The following MET variants were observed in gnomAD, a reference collection of about 807,000 sequenced individuals.
MET encodes the protein MET proto-oncogene, receptor tyrosine kinase.
A neutral mutation model predicts 133.1 loss-of-function variants in MET; 48 were observed. The observed-to-expected ratio is 0.36, with a 90% CI of 0.29 to 0.46. MET has a LOEUF of 0.46. Among genes scored for constraint, MET ranks in the 20% least tolerant of loss-of-function variants. The pLI is 1.00. For missense variants in MET, 1,442 were observed against 1,695.9 expected, an observed-to-expected ratio of 0.85 and a Z score of 2.63; for synonymous variants, 628 against 616.5, an observed-to-expected ratio of 1.02 and a Z score of -0.28.
At chr7:116,696,399 AC>A (rs998874309) in intron 1 of MET, among the ~76,000 whole-genome samples, 5 of 152,268 alleles carry the variant, frequency 3.3e-5, no homozygotes, top group African/African-American at 1.2e-4. Context: ...TCACCCTGTT[AC>A]TACTTTTTGC....
intron 2 of MET, among the ~76,000 whole-genome samples, chr7:116,708,155 A>T (rs1292605611): frequency 6.6e-6 from 1 of 152,172 alleles, no homozygotes; most frequent in African/African-American, 2.4e-5. Flanking sequence ...GAACAAATAC[A>T]TCATGATAAT....
chr7:116,756,241 A>G (rs549371468), intron 6 of MET, among the ~76,000 whole-genome samples: 14 of 152,344 alleles, frequency 9.2e-5, no homozygotes, highest in African/African-American at 3.4e-4. Flanking sequence ...GTACCCTTCT[A>G]CAAGCTTTGA....
intron 3 of MET, among the ~76,000 whole-genome samples, chr7:116,734,622 G>C (rs539453317): frequency 6.6e-6 from 1 of 152,326 alleles, no homozygotes; most frequent in East Asian, 1.9e-4. Flanking sequence ...AATATCTGCA[G>C]AGCCATGTCA....
rs1795999968 is a variant in MET, at chr7:116,672,283, C to T, written c.-309C>T. On this transcript the variant is annotated 5_prime_UTR_variant, in exon 1 of 21. Transcript: ENST00000397752. ...CCAACGCGCCCGGGCCGCCGCGGGCCGCGCGCGCCGATGCCCGGCTGAGTC... is the reference window on the plus strand; with the variant it reads ...CCAACGCGCCCGGGCCGCCGCGGGCTGCGCGCGCCGATGCCCGGCTGAGTC... 5.6e-6 allele frequency: 1 copy of T among 179,686 alleles called. No individual in the cohort carries two copies. Among genetic ancestry groups the T allele is most frequent in the Non-Finnish European group, 1.1e-5 (1 of 87,392 alleles). 11.1% of individuals were successfully genotyped at this position (179,686 alleles called of 1,614,324 possible).
intron 2 of MET, among the ~76,000 whole-genome samples, chr7:116,702,186 C>T (rs570386997): frequency 6.6e-6 from 1 of 152,070 alleles, no homozygotes; most frequent in Non-Finnish European, 1.5e-5. Context: ...ACTAGCCACA[C>T]CTGAAACCAT....
At chr7:116,739,040 C>T (rs38859) in intron 3 of MET, among the ~76,000 whole-genome samples, 52,815 of 152,074 alleles carry the variant, frequency 0.35, 11,069 homozygotes, top group East Asian at 0.48. Flanking sequence ...TGTGCTGAGC[C>T]TCCTCCACCT....
intron 3 of MET, among the ~76,000 whole-genome samples, chr7:116,736,529 T>C (rs1025133646): frequency 1.1e-4 from 17 of 152,330 alleles, no homozygotes; most frequent in African/African-American, 3.8e-4. Flanking sequence ...TAAGGAGATA[T>C]GGCCTTTACA....
intron 3 of MET, among the ~76,000 whole-genome samples, chr7:116,733,473 A>G (rs1203763140): frequency 3.9e-5 from 6 of 152,024 alleles, no homozygotes; most frequent in East Asian, 3.9e-4. Context: ...TCCACATTCT[A>G]AAGTTGTAAT....
intron 2 of MET, among the ~76,000 whole-genome samples, chr7:116,712,015 G>A (rs1397043697): frequency 6.6e-6 from 1 of 152,172 alleles, no homozygotes; most frequent in Non-Finnish European, 1.5e-5. Context: ...ATGAGGAAGA[G>A]ATGTACACAC....
At chr7:116,730,708 G>A (rs534699983) in intron 2 of MET, among the ~76,000 whole-genome samples, 7 of 152,294 alleles carry the variant, frequency 4.6e-5, no homozygotes, top group African/African-American at 1.4e-4. Context: ...ATGACACTTA[G>A]ATTTCTGACT....
At chr7:116,754,983 G>GGAAAGAAGGAAAGAAAGAAA (rs1794103961) in intron 5 of MET, among the ~76,000 whole-genome samples, 1 of 78,632 alleles carries the variant, frequency 1.3e-5, no homozygotes, top group East Asian at 4.3e-4. Context: ...AGCAGAGAAA[G>GGAAAGAAGGAAAGAAAGAAA]GAAAGAAAGA....
Position 116,699,795 on chromosome 7 carries a change from T to C in MET, c.711T>C (p.Val237=), listed in dbSNP as rs932492107. Residue 237 remains valine, a synonymous_variant, in exon 2 of 21, where the codon GTT becomes GTC. Transcript: ENST00000397752. ...MFLTDQSYID[V]LPEFRDSYPI... ...TGACGGACCAGTCCTACATTGATGT[T>C]TTACCTGAGTTCAGAGATTCTTACC... is the stretch of plus-strand genomic sequence containing the variant. 2 of 1,614,106 alleles carry C rather than the reference T, an allele frequency of 1.2e-6. No homozygotes were observed. The highest frequency in any genetic ancestry group is 1.3e-5 in the African/African-American group (1 of 75,030).
chr7:116,673,956 A>G (rs1584842800), intron 1 of MET, among the ~76,000 whole-genome samples: 1 of 152,356 alleles, frequency 6.6e-6, no homozygotes, highest in East Asian at 1.9e-4. Flanking sequence ...GGGAAAATTT[A>G]CATCATTCAT....
chr7:116,715,106 A>T (rs967276114), intron 2 of MET, among the ~76,000 whole-genome samples: 2 of 152,188 alleles, frequency 1.3e-5, no homozygotes, highest in Non-Finnish European at 2.9e-5. Context: ...GCAGGGATTT[A>T]TGTCTTTTTT....
chr7:116,787,038 T>G (rs1357313956), intron 19 of MET, among the ~76,000 whole-genome samples: 1 of 152,002 alleles, frequency 6.6e-6, no homozygotes, highest in African/African-American at 2.4e-5. Flanking sequence ...TGACTGGGAG[T>G]TTGTTTTCAA....
intron 2 of MET, among the ~76,000 whole-genome samples, chr7:116,719,390 C>A (rs1181699594): frequency 6.6e-6 from 1 of 151,942 alleles, no homozygotes; most frequent in African/African-American, 2.4e-5. Flanking sequence ...TGGATATTAG[C>A]CCTTTGTCAG....
intron 8 of MET, 149 bp from the exon 9 acceptor site, chr7:116,758,310 G>A: frequency 1.3e-6 from 1 of 762,674 alleles, no homozygotes; most frequent in African/African-American, 1.7e-5. Context: ...GATCCAGTCA[G>A]ATTAAACAGC....
rs183004460 is a variant in MET at position 116,788,948 on chromosome 7, T to C, written c.3798+5479T>C. On this transcript the variant is annotated intron_variant, in intron 19 of 20. Coordinates refer to ENST00000397752, the MANE Select transcript of MET (RefSeq NM_000245.4). ...CACTCACACCCTCCTCTGAACCCTT[T>C]TGCAATGGGTGTTGTAATTGTATTA... 4.6e-5 allele frequency among the ~76,000 whole-genome samples: 7 copies of C among 152,344 alleles called. No homozygotes were observed. In the East Asian group the frequency reaches 1.4e-3, roughly 29 times the overall value.
At chr7:116,707,529 A>T (rs1458459728) in intron 2 of MET, among the ~76,000 whole-genome samples, 2 of 152,182 alleles carry the variant, frequency 1.3e-5, no homozygotes, top group Non-Finnish European at 2.9e-5. Context: ...GTTATTCATG[A>T]TTAGTTAAAA....
Sources: allele counts gnomAD v4.1 joint callset (sites outside exome capture counted in the v4.1 genomes callset), GRCh38; gene constraint gnomAD v4.1.1; transcripts MANE v1.5; gene names NCBI Gene and HGNC (gene_info 2026-07-23, HGNC 2026-07-21).